Variants in ANK1 observed in about 807,000 individuals in gnomAD.
ANK1 encodes the protein ankyrin 1, also known as ankyrin-1.
A neutral mutation model predicts 210.4 loss-of-function variants in ANK1; 51 were observed. The observed-to-expected ratio is 0.24, with a 90% CI of 0.19 to 0.31. The LOEUF is 0.31. Among genes scored for constraint, ANK1 ranks in the 10% least tolerant of loss-of-function variants. The pLI, the probability that ANK1 is intolerant of heterozygous loss-of-function variation, is 1.00. For missense variants in ANK1, 2,051 were observed against 2,504.4 expected (o/e 0.82, Z 3.86); for synonymous variants, 967 against 1,025.9 (o/e 0.94, Z 1.10).
chr8:41,684,641 C>A lies in ANK1; in HGVS notation c.4440G>T (p.Val1480=). 1 of 1,613,890 alleles carries A rather than the reference C, an allele frequency of 6.2e-7. No homozygotes were observed. Among genetic ancestry groups the A allele is most frequent in the South Asian group, 1.1e-5 (1 of 91,080 alleles). ...GTCGGCCGGAACCCTCCAGCATGTT[C>A]ACGATCTCGCCACGGTCAATGCTCT... ...ALQSIDRGEI[V]NMLEGSGRQS... Residue 1480 remains valine (V), a synonymous_variant, in exon 37 of 43, where the codon GTG becomes GTT. Transcript: ENST00000289734.
Position 41,699,534 on chromosome 8 carries a change from T to C in ANK1, c.2476A>G (p.Ser826Gly), listed in dbSNP as rs898703463. The C allele has an allele frequency of 3.1e-6, 5 of 1,614,046 alleles. No individual in the cohort carries two copies. In the African/African-American group the frequency reaches 5.3e-5, roughly 17 times the overall value. ...VSEDEGEELI[S>G]FKAERRDSRD... Reference sequence around the variant, plus strand: ...GAATCCCGCCTCTCAGCCTTGAAGCTGATGAGTTCTTCCCCTGAAACAGCA... The same window carrying C: ...GAATCCCGCCTCTCAGCCTTGAAGCCGATGAGTTCTTCCCCTGAAACAGCA... Residue 826 changes from serine to glycine, a missense_variant, in exon 23 of 43, where the codon AGC (serine) becomes GGC (glycine). Around this residue, in one of 6 missense-constraint regions of ANK1, gnomAD observed 1,413 missense variants for 1,707.4 expected, o/e 0.83. Coordinates refer to ENST00000289734, the MANE Select transcript of ANK1 (RefSeq NM_000037.4).
chr8:41,789,335 C>T (rs1297607672), intron 1 of ANK1: 1 of 152,200 alleles, frequency 6.6e-6, no homozygotes, highest in African/African-American at 2.4e-5. Context: ...CCGACTTTTC[C>T]CAAAAGGCTG....
chr8:41,740,318 G>A (rs1263910064), intron 2 of ANK1, among the ~76,000 whole-genome samples: 3 of 151,826 alleles, frequency 2.0e-5, no homozygotes, highest in East Asian at 1.9e-4. Context: ...CTGCCACCAC[G>A]CCTGGCTAAT....
chr8:41,755,822 A>G (rs28399235), intron 2 of ANK1, among the ~76,000 whole-genome samples: 8,898 of 152,140 alleles, frequency 0.058, 882 homozygotes, highest in African/African-American at 0.2. Flanking sequence ...AACCACCACA[A>G]TGTCCTCTGG....
intron 1 of ANK1, among the ~76,000 whole-genome samples, chr8:41,776,002 C>G (rs1314910569): frequency 6.6e-6 from 1 of 152,166 alleles, no homozygotes; most frequent in Admixed American, 6.5e-5. Flanking sequence ...TATTATTATT[C>G]CCATTTGACA....
At chr8:41,870,880 G>A (rs1039240208) in intron 1 of ANK1, among the ~76,000 whole-genome samples, 3 of 152,126 alleles carry the variant, frequency 2.0e-5, no homozygotes, top group African/African-American at 4.8e-5. Flanking sequence ...TCTGCTTGGC[G>A]AACACTCCTT....
At chr8:41,717,954 T>C (rs756835523) in intron 11 of ANK1, 152 bp downstream of exon 11, 136 of 839,724 alleles carry the variant, frequency 1.6e-4, no homozygotes, top group Middle Eastern at 5.8e-4. Flanking sequence ...TTCCCTTGTC[T>C]TAGTCACCCC....
chr8:41,896,040 T>C (rs970315706), intron 1 of ANK1, among the ~76,000 whole-genome samples: 17 of 152,192 alleles, frequency 1.1e-4, no homozygotes, highest in Admixed American at 6.5e-4. Flanking sequence ...AAGTTGGTCC[T>C]AGAGCAGCGC....
chr8:41,801,254 A>G (rs1482787726), upstream of ANK1, among the ~76,000 whole-genome samples: 1 of 152,180 alleles, frequency 6.6e-6, no homozygotes, highest in Non-Finnish European at 1.5e-5. Flanking sequence ...AAGGCCACAA[A>G]TATTTATCCA....
chr8:41,885,804 G>T (rs1354496362), intron 1 of ANK1, among the ~76,000 whole-genome samples: 1 of 152,222 alleles, frequency 6.6e-6, no homozygotes, highest in Non-Finnish European at 1.5e-5. Context: ...CATAAATTCA[G>T]TGCAACTCTA....
chr8:41,665,064 C>T, intron 39 of ANK1: 1 of 1,606,514 alleles, frequency 6.2e-7, no homozygotes, highest in Non-Finnish European at 8.5e-7. Flanking sequence ...CAGCCAGGGC[C>T]CCGGCCACCA....
intron 1 of ANK1, among the ~76,000 whole-genome samples, chr8:41,769,584 A>G (rs1563722989): frequency 6.6e-6 from 1 of 152,256 alleles, no homozygotes; most frequent in Non-Finnish European, 1.5e-5. Context: ...ATTGACTTGC[A>G]CAATGAACTG....
In ANK1 at chr8:41,715,846, C is replaced by A; in HGVS notation, c.1408G>T (p.Asp470Tyr). The A allele has an allele frequency of 6.2e-7, 1 of 1,614,188 alleles. No homozygotes were observed. The highest frequency in any genetic ancestry group is 1.1e-5 in the South Asian group (1 of 91,062). The change falls in exon 14 of 43, where the codon GAC (aspartate) becomes TAC (tyrosine). Residue 470 changes from aspartate (D) to tyrosine (Y), a missense_variant. By Grantham distance (160) the Asp-to-Tyr change is radical. Transcript: ENST00000289734. ...KAKVNAKAKD[D>Y]QTPLHCAARI... Reference sequence around the variant, plus strand: ...GCTGCACAGTGAAGTGGGGTCTGGTCATCCTGGACCCCGAAGGGAAAACAA... The same window carrying A: ...GCTGCACAGTGAAGTGGGGTCTGGTAATCCTGGACCCCGAAGGGAAAACAA...
At chr8:41,805,294 G>T (rs1056731370) in intron 1 of ANK1, among the ~76,000 whole-genome samples, 14 of 151,428 alleles carry the variant, frequency 9.2e-5, no homozygotes, top group African/African-American at 3.4e-4. Context: ...CCAGGTAGGG[G>T]CACATTGTTA....
At chr8:41,839,909 T>G (rs1409661004) in intron 1 of ANK1, 1 of 152,218 alleles carries the variant, frequency 6.6e-6, no homozygotes, top group Admixed American at 6.5e-5. Context: ...ACTGGTTCAT[T>G]CATTACAACA....
chr8:41,837,803 A>G (rs1198753560), intron 1 of ANK1, among the ~76,000 whole-genome samples: 1 of 152,120 alleles, frequency 6.6e-6, no homozygotes, highest in African/African-American at 2.4e-5. Flanking sequence ...CCCAGGAGGC[A>G]GAGGTTGCAG....
At chr8:41,767,193 G>A (rs1339434945) in intron 1 of ANK1, among the ~76,000 whole-genome samples, 3 of 152,040 alleles carry the variant, frequency 2.0e-5, no homozygotes, top group Non-Finnish European at 4.4e-5. Flanking sequence ...CCCAGCGCGC[G>A]CACCCGCACC....
intron 1 of ANK1, among the ~76,000 whole-genome samples, chr8:41,773,543 T>G (rs919398980): frequency 1.1e-4 from 16 of 152,302 alleles, no homozygotes; most frequent in African/African-American, 3.6e-4. Flanking sequence ...TGGCATGGCT[T>G]TGGTGGAATT....
intron 1 of ANK1, among the ~76,000 whole-genome samples, chr8:41,803,845 C>A (rs933135915): frequency 6.6e-6 from 1 of 152,012 alleles, no homozygotes; most frequent in African/African-American, 2.4e-5. Context: ...TAATGCTAAA[C>A]TATCCTTCCA....
Sources: allele counts gnomAD v4.1 joint callset (sites outside exome capture counted in the v4.1 genomes callset), GRCh38; gene constraint gnomAD v4.1.1; regional missense constraint gnomAD v4.1.1; transcripts MANE v1.5; gene names NCBI Gene and HGNC (gene_info 2026-07-23, HGNC 2026-07-21).